Variants in KCNK6 observed in about 807,000 individuals in gnomAD.
KCNK6 encodes the protein potassium channel subfamily K member 6.
Under a neutral mutation model 21.9 loss-of-function variants are expected in KCNK6, and 20 were observed. The ratio of observed to expected loss-of-function variants is 0.91; its 90% CI spans 0.64 to 1.32. KCNK6 has a LOEUF of 1.32. Among genes scored for constraint, KCNK6 ranks in the 40% most tolerant of loss-of-function variants. The pLI is 0.00. For synonymous variants in KCNK6, 210 were observed against 218.0 expected (o/e 0.96, Z 0.32); for missense variants, 415 against 433.1 (o/e 0.96, Z 0.37).
chr19:38,323,069 C>T (rs555903414), intron 1 of KCNK6, among the ~76,000 whole-genome samples: 3 of 152,178 alleles, frequency 2.0e-5, no homozygotes, highest in Non-Finnish European at 4.4e-5. Flanking sequence ...GCCGAGATCT[C>T]GCCCCTGCAC....
rs1251260611 is a variant in KCNK6, at chr19:38,326,619, G to A, written c.349G>A (p.Asp117Asn). 1 of 1,611,268 alleles carries A rather than the reference G, an allele frequency of 6.2e-7. No homozygotes were observed. The highest frequency in any genetic ancestry group is 1.1e-5 in the South Asian group (1 of 90,994). ...CTATGGGTACACAACGCCACTGACT[G>A]ATGCGGGCAAGGCCTTCTCCATCGC... is the stretch of plus-strand genomic sequence containing the variant. ...VGYGYTTPLT[D>N]AGKAFSIAFA... is the part of the protein sequence containing the mutation. Residue 117 changes from aspartate (D) to asparagine (N), a missense_variant, in exon 2 of 3, where the codon GAT becomes AAT. Physicochemically the swap from Asp to Asn is conservative, Grantham distance 23 (BLOSUM62 1). Transcript: ENST00000263372.
Position 38,331,108 on chromosome 19 carries a change from C to T in KCNK6, c.*3705C>T, listed in dbSNP as rs1969764916. 1 of 152,354 alleles carries T rather than the reference C, an allele frequency of 6.6e-6. No individual in the cohort carries two copies. The highest frequency in any genetic ancestry group is 1.5e-5 in the Non-Finnish European group (1 of 68,186). The allele number at this position is 152,354 out of a possible 1,614,324, so 9.4% of individuals were successfully genotyped here. The stretch of plus-strand genomic sequence containing the variant: ...TGGGGAGGCTGAGGCAGGAGGATCG[C>T]TTGAGCCCGGGAGCTGGAGACCAGC... On this transcript the variant is annotated 3_prime_UTR_variant, in exon 3 of 3. Coordinates refer to ENST00000263372, the MANE Select transcript of KCNK6 (RefSeq NM_004823.3).
At chr19:38,321,154 A>C (rs1192903426) in intron 1 of KCNK6, among the ~76,000 whole-genome samples, 2 of 151,944 alleles carry the variant, frequency 1.3e-5, no homozygotes, top group African/African-American at 4.8e-5. Context: ...GAGGACCCTA[A>C]ATCTCCAGAC....
rs144968555 is a variant in KCNK6, at chr19:38,327,259, G to A, written c.798G>A (p.Thr266=). The A allele has an allele frequency of 2.2e-5, 36 of 1,613,652 alleles. No homozygotes were observed. The highest frequency in any genetic ancestry group is 6.7e-5 in the African/African-American group (5 of 75,062). ...ACGTGTCCGACCTCCACGGCCTCAC[G>A]GAGCTCATCCTGCTGCCCCCTCCGT... ...FRHVSDLHGL[T]ELILLPPPCP... The change falls in exon 3 of 3, where the codon ACG becomes ACA. Residue 266 remains threonine (T), a synonymous_variant. Coordinates refer to ENST00000263372, the MANE Select transcript of KCNK6 (RefSeq NM_004823.3).
At position 38,320,029 on chromosome 19, in the gene KCNK6, C is replaced by A; in HGVS notation, c.79C>A (p.Arg27=). The change falls in exon 1 of 3, where the codon CGG becomes AGG. Residue 27 remains arginine (R), a synonymous_variant. Coordinates refer to ENST00000263372, the MANE Select transcript of KCNK6 (RefSeq NM_004823.3). ...YLVLGALLVA[R]LEGPHEARLR... The stretch of plus-strand genomic sequence containing the variant: ...GGTGCTGGGCGCGCTGTTGGTGGCG[C>A]GGCTGGAGGGGCCGCACGAAGCCAG... The A allele has an allele frequency of 6.7e-7, 1 of 1,494,982 alleles. No individual in the cohort carries two copies. The highest frequency in any genetic ancestry group is 8.8e-7 in the Non-Finnish European group (1 of 1,131,502). The allele number at this position is 1,494,982 out of a possible 1,614,324, so 92.6% of individuals were successfully genotyped here. A position where few individuals can be genotyped will look rare whatever the true frequency, so the allele number is the denominator to read the frequency against.
Position 38,327,800 on chromosome 19 carries a change from C to T in KCNK6, c.*397C>T. The stretch of plus-strand genomic sequence containing the variant: ...TCTACTGGGCTGTGGGCTCAGACCT[C>T]ATTTCAGGCACCAGATTGGTCGCTA... On this transcript the variant is annotated 3_prime_UTR_variant, in exon 3 of 3. Coordinates refer to ENST00000263372, the MANE Select transcript of KCNK6 (RefSeq NM_004823.3). 4.2e-6 allele frequency: 1 copy of T among 240,046 alleles called. No homozygotes were observed. The highest frequency in any genetic ancestry group is 8.3e-6 in the Non-Finnish European group (1 of 119,790). The allele number at this position is 240,046 out of a possible 1,614,324, so 14.9% of individuals were successfully genotyped here.
At position 38,326,772 on chromosome 19, in the gene KCNK6, G is replaced by A. The variant is rs1310423704; in HGVS notation, c.502G>A (p.Ala168Thr). 1.7e-5 allele frequency: 27 copies of A among 1,604,594 alleles called. No homozygotes were observed. The highest frequency in any genetic ancestry group is 2.3e-5 in the Non-Finnish European group (27 of 1,179,968). Reference protein sequence around the residue: ...SMRWGWDPRRAACWHLVALLG... With the variant: ...SMRWGWDPRRTACWHLVALLG... ...GCGTTGGGGCTGGGACCCCCGGCGG[G>A]CGGCCTGCTGGCACTTGGTGGCCCT... The change falls in exon 2 of 3, where the codon GCG (alanine) becomes ACG (threonine). Residue 168 changes from alanine to threonine, a missense_variant. Coordinates refer to ENST00000263372, the MANE Select transcript of KCNK6 (RefSeq NM_004823.3).
At chr19:38,322,691 TG>T (rs1969664503) in intron 1 of KCNK6, among the ~76,000 whole-genome samples, 1 of 151,846 alleles carries the variant, frequency 6.6e-6, no homozygotes, top group African/African-American at 2.4e-5. Flanking sequence ...GGCAGGCACC[TG>T]TAATTCCAGC....
At position 38,320,252 on chromosome 19, in the gene KCNK6, G is replaced by A. The variant is rs1969635097; in HGVS notation, c.302G>A (p.Ser101Asn). 2.5e-6 allele frequency: 4 copies of A among 1,606,272 alleles called. No individual in the cohort carries two copies. In the African/African-American group the frequency reaches 4.0e-5, roughly 16 times the overall value. The change falls in exon 1 of 3, where the codon AGC (serine) becomes AAC (asparagine). Residue 101 changes from serine (S) to asparagine (N), a missense_variant. Coordinates refer to ENST00000263372, the MANE Select transcript of KCNK6 (RefSeq NM_004823.3). ...TTCGCCTCTGCTCTCTTCTTCGCCAGCACGCTGATCACCACCGTGGGTACG... is the reference window on the plus strand; with the variant it reads ...TTCGCCTCTGCTCTCTTCTTCGCCAACACGCTGATCACCACCGTGGGTACG... ...WDFASALFFA[S>N]TLITTVGYGY...
rs888159912 is a variant in KCNK6 at position 38,329,926 on chromosome 19, A to G, written c.*2523A>G. ...GAGGGACGCGGCTAGGGAATGTCCC[A>G]CAGAGTGGCCAGTTATCCCTGAGAG... On this transcript the variant is annotated 3_prime_UTR_variant, in exon 3 of 3. Coordinates refer to ENST00000263372, the MANE Select transcript of KCNK6 (RefSeq NM_004823.3). The G allele has an allele frequency of 1.3e-5, 2 of 152,392 alleles. No homozygotes were observed. The highest frequency in any genetic ancestry group is 2.9e-5 in the Non-Finnish European group (2 of 68,178). The allele number at this position is 152,392 out of a possible 1,614,324, so 9.4% of individuals were successfully genotyped here.
chr19:38,328,886 A>AAGAG lies in KCNK6; in HGVS notation c.*1486_*1487insGAGA, dbSNP rs1468292811. On this transcript the variant is annotated 3_prime_UTR_variant, in exon 3 of 3. Transcript: ENST00000263372. ...AGAAAGAAAGAAAGAGAGAGAAAGA[A>AAGAG]AGAAAGAAAGAAAGGGAAAGATGGA... 1.3e-5 allele frequency: 2 copies of AAGAG among 151,434 alleles called. No individual in the cohort carries two copies. The highest frequency in any genetic ancestry group is 4.9e-5 in the African/African-American group (2 of 41,140). The allele number at this position is 151,434 out of a possible 1,614,324, so 9.4% of individuals were successfully genotyped here.
In KCNK6 at chr19:38,330,884, C is replaced by T. The variant is rs1158599691; in HGVS notation, c.*3481C>T. 6.6e-6 allele frequency: 1 copy of T among 152,188 alleles called. No individual in the cohort carries two copies. Among genetic ancestry groups the T allele is most frequent in the Non-Finnish European group, 1.5e-5 (1 of 68,036 alleles). 9.4% of individuals were successfully genotyped at this position (152,188 alleles called of 1,614,324 possible). A position where few individuals can be genotyped will look rare whatever the true frequency, so the allele number is the denominator to read the frequency against. On this transcript the variant is annotated 3_prime_UTR_variant, in exon 3 of 3. Transcript: ENST00000263372. Reference sequence around the variant, plus strand: ...GTTGTCTAGCCCTTTCTCAGCCTCCCAACCTTCTCGGTTCCTTACCTATGT... The same window carrying T: ...GTTGTCTAGCCCTTTCTCAGCCTCCTAACCTTCTCGGTTCCTTACCTATGT...
intron 1 of KCNK6, among the ~76,000 whole-genome samples, chr19:38,322,543 G>A (rs575447545): frequency 4.6e-5 from 7 of 152,218 alleles, no homozygotes; most frequent in African/African-American, 1.2e-4. Flanking sequence ...AGGGCCAGGC[G>A]CAGTGGCTTA....
chr19:38,320,325 C>T, intron 1 of KCNK6, 53 bp downstream of exon 1: 2 of 1,583,824 alleles, frequency 1.3e-6, no homozygotes, highest in Non-Finnish European at 1.7e-6. Flanking sequence ...CCCACTTCAT[C>T]CTTAACCCCT....
chr19:38,324,664 C>A (rs1455219249), intron 1 of KCNK6, among the ~76,000 whole-genome samples: 2 of 152,212 alleles, frequency 1.3e-5, no homozygotes, highest in African/African-American at 4.8e-5. Context: ...CAGAACCACA[C>A]CTGGCTCTGC....
chr19:38,326,861 G>C lies in KCNK6; in HGVS notation c.591G>C (p.Glu197Asp), dbSNP rs1299214220. ...CTGTGATCTTTGCCCACCTCGAGGA[G>C]GCCTGGAGCTTCTTGGATGCCTTCT... is the stretch of plus-strand genomic sequence containing the variant. ...VPAVIFAHLE[E>D]AWSFLDAFYF... is the part of the protein sequence containing the mutation. Residue 197 changes from glutamate (E) to aspartate (D), a missense_variant, in exon 2 of 3, where the codon GAG becomes GAC. Physicochemically the swap from Glu to Asp is conservative, Grantham distance 45. Transcript: ENST00000263372. 6.2e-7 allele frequency: 1 copy of C among 1,611,670 alleles called. No homozygotes were observed. The highest frequency in any genetic ancestry group is 1.3e-5 in the African/African-American group (1 of 74,938).
intron 1 of KCNK6, among the ~76,000 whole-genome samples, chr19:38,321,906 C>G (rs567720407): frequency 6.6e-6 from 1 of 152,378 alleles, no homozygotes; most frequent in East Asian, 1.9e-4. Flanking sequence ...CAGGCACAGC[C>G]TGGCTACATC....
chr19:38,328,856 GAGAA>G lies in KCNK6; in HGVS notation c.*1469_*1472del, dbSNP rs138015079. ...AGTGAGACCCTGTCTGAAAGAAAGA[GAGAA>G]AGAAAGAAAGAAAGAGAGAGAAAGA... On this transcript the variant is annotated 3_prime_UTR_variant, in exon 3 of 3. Coordinates refer to ENST00000263372, the MANE Select transcript of KCNK6 (RefSeq NM_004823.3). 0.13 allele frequency: 14,566 copies of G among 112,472 alleles called. 1,065 individuals are homozygous for G. Among genetic ancestry groups the G allele is most frequent in the East Asian group, 0.42 (1,775 of 4,244 alleles). 7.0% of individuals were successfully genotyped at this position (112,472 alleles called of 1,614,324 possible). A position where few individuals can be genotyped will look rare whatever the true frequency, so the allele number is the denominator to read the frequency against.
chr19:38,326,448 G>A lies in KCNK6; in HGVS notation c.323-145G>A. ...CTGTAGTCCCAGCTACTTAGGAGGA[G>A]GCTGAGGTGGTAGGATCACTTAGGT... On this transcript the variant is annotated intron_variant, in intron 1 of 2. Coordinates refer to ENST00000263372, the MANE Select transcript of KCNK6 (RefSeq NM_004823.3). 1.2e-5 allele frequency: 11 copies of A among 936,338 alleles called. No homozygotes were observed. The South Asian group carries it at 1.5e-4, about 12-fold the overall frequency. The allele number at this position is 936,338 out of a possible 1,614,324, so 58.0% of individuals were successfully genotyped here.
Sources: allele counts gnomAD v4.1 joint callset (sites outside exome capture counted in the v4.1 genomes callset), GRCh38; gene constraint gnomAD v4.1.1; transcripts MANE v1.5; gene names NCBI Gene and HGNC (gene_info 2026-07-23, HGNC 2026-07-21).